The following TBC1D2B variants were observed in gnomAD, a reference collection of about 807,000 sequenced individuals.
TBC1D2B encodes TBC1 domain family, member 2B.
Under a neutral mutation model 100.8 loss-of-function variants are expected in TBC1D2B, and 64 were observed. The observed-to-expected ratio is 0.64, with a 90% confidence interval of 0.52 to 0.78. TBC1D2B has a LOEUF of 0.78. Ranked by LOEUF, TBC1D2B falls within the 30% of genes least tolerant of loss-of-function variation. TBC1D2B has a pLI of 0.00. For synonymous variants in TBC1D2B, 480 were observed against 479.7 expected (o/e 1.00, Z -0.01); for missense variants, 1,052 against 1,218.4 (o/e 0.86, Z 2.03).
intron 6 of TBC1D2B, among the ~76,000 whole-genome samples, chr15:78,018,309 A>C (rs750268397): frequency 4.9e-4 from 75 of 152,240 alleles, no homozygotes; most frequent in Non-Finnish European, 9.7e-4. Flanking sequence ...TGGTTAAAAA[A>C]AAGCAATACC....
chr15:78,068,389 A>C lies in TBC1D2B; in HGVS notation c.360+8904T>G, dbSNP rs527743070. Among the ~76,000 whole-genome samples the C allele has an allele frequency of 2.9e-4, 42 of 146,082 alleles. 1 individual carries two copies. Among genetic ancestry groups the C allele is most frequent in the Middle Eastern group, 3.5e-3 (1 of 286 alleles). On this transcript the variant is annotated intron_variant, in intron 1 of 12. Coordinates refer to ENST00000300584, the MANE Select transcript of TBC1D2B (RefSeq NM_144572.2). ...GAAAGCACACACACCACACCCACAC[A>C]CACACACACACACACACACACACAC...
chr15:78,050,152 C>G (rs1596324868), intron 2 of TBC1D2B, among the ~76,000 whole-genome samples: 1 of 152,144 alleles, frequency 6.6e-6, no homozygotes. Flanking sequence ...CATCCTGCAC[C>G]GAGAGCACTG....
chr15:78,058,687 G>A (rs1460785531), intron 1 of TBC1D2B, among the ~76,000 whole-genome samples: 4 of 152,290 alleles, frequency 2.6e-5, no homozygotes, highest in South Asian at 2.1e-4. Context: ...CACGCCCGCC[G>A]GAGGAGTGAG....
rs144294886 is a variant in TBC1D2B at position 77,998,152 on chromosome 15, G to A, written c.*8C>T. Reference sequence around the variant, plus strand: ...GTGAAGGAAGGAAGAGCAGCATCCCGAGCCCACTCAGGTATCCTCCTCCTC... The same window carrying A: ...GTGAAGGAAGGAAGAGCAGCATCCCAAGCCCACTCAGGTATCCTCCTCCTC... On this transcript the variant is annotated 3_prime_UTR_variant, in exon 13 of 13. Coordinates refer to ENST00000300584, the MANE Select transcript of TBC1D2B (RefSeq NM_144572.2). The A allele has an allele frequency of 1.5e-3, 2,254 of 1,504,580 alleles. 5 individuals carry two copies. Among genetic ancestry groups the A allele is most frequent in the Admixed American group, 2.4e-3 (107 of 44,162 alleles). 93.2% of individuals were successfully genotyped at this position (1,504,580 alleles called of 1,614,324 possible).
Position 78,012,990 on chromosome 15 carries a change from C to T in TBC1D2B, c.2103G>A (p.Glu701=). 1.9e-6 allele frequency: 3 copies of T among 1,600,160 alleles called. No individual in the cohort carries two copies. Among genetic ancestry groups the T allele is most frequent in the Non-Finnish European group, 2.6e-6 (3 of 1,169,794 alleles). Residue 701 remains glutamate, a synonymous_variant, in exon 9 of 13, where the codon GAG becomes GAA. Transcript: ENST00000300584. The part of the protein sequence containing the change: ...HFQTLLQKAL[E]KQNPASKQIE... The stretch of plus-strand genomic sequence containing the variant: ...TCTGCTTGGAGGCTGGGTTCTGTTT[C>T]TCCAGCGCCTTCTGCAGCAAGGTCT...
At chr15:78,018,455 A>G (rs1197418119) in intron 6 of TBC1D2B, among the ~76,000 whole-genome samples, 1 of 152,252 alleles carries the variant, frequency 6.6e-6, no homozygotes, top group Admixed American at 6.5e-5. Context: ...AAATCCTATG[A>G]CCTAAAACGT....
At position 78,010,764 on chromosome 15, in the gene TBC1D2B, T is replaced by A. The variant is rs756179332; in HGVS notation, c.2271-1650A>T. On this transcript the variant is annotated intron_variant, in intron 9 of 12. Coordinates refer to ENST00000300584, the MANE Select transcript of TBC1D2B (RefSeq NM_144572.2). ...CATCATCTAGACAAGGCTACAGTTG[T>A]CCTTCTAAAGTTCTGGGTGCTCAGA... Among the ~76,000 whole-genome samples the A allele has an allele frequency of 2.0e-4, 31 of 152,176 alleles. 1 individual carries two copies. The highest frequency in any genetic ancestry group is 3.5e-4 in the Non-Finnish European group (24 of 68,036).
chr15:78,046,244 T>G (rs1240569581), intron 2 of TBC1D2B, among the ~76,000 whole-genome samples: 2 of 152,240 alleles, frequency 1.3e-5, no homozygotes, highest in Non-Finnish European at 2.9e-5. Flanking sequence ...TAAAAACATT[T>G]CTAACTACAA....
chr15:78,015,961 G>A (rs1390532300), intron 8 of TBC1D2B, among the ~76,000 whole-genome samples: 2 of 152,178 alleles, frequency 1.3e-5, no homozygotes, highest in Admixed American at 6.5e-5. Context: ...GAAGCAAGGA[G>A]ACTGCAGTAA....
intron 1 of TBC1D2B, among the ~76,000 whole-genome samples, chr15:78,072,849 C>T (rs1335967850): frequency 2.6e-5 from 4 of 152,152 alleles, no homozygotes; most frequent in African/African-American, 4.8e-5. Flanking sequence ...CAGAGAGAGA[C>T]GCACACAGGA....
chr15:78,050,487 A>C (rs2073291316), intron 2 of TBC1D2B, among the ~76,000 whole-genome samples: 1 of 152,196 alleles, frequency 6.6e-6, no homozygotes. Flanking sequence ...AAGTAAACGG[A>C]ATGTGCTAGA....
At chr15:78,069,034 G>T (rs2073705202) in intron 1 of TBC1D2B, among the ~76,000 whole-genome samples, 1 of 152,126 alleles carries the variant, frequency 6.6e-6, no homozygotes, top group Non-Finnish European at 1.5e-5. Flanking sequence ...GAGGAAGGGG[G>T]TGTTACTGTT....
chr15:78,020,642 G>A (rs1262341476), intron 6 of TBC1D2B, among the ~76,000 whole-genome samples: 2 of 152,302 alleles, frequency 1.3e-5, no homozygotes, highest in Middle Eastern at 3.4e-3. Context: ...TCCAACCTGG[G>A]CTGGCTCCAG....
chr15:78,042,091 A>G (rs2073103565), intron 3 of TBC1D2B, among the ~76,000 whole-genome samples: 1 of 152,208 alleles, frequency 6.6e-6, no homozygotes, highest in African/African-American at 2.4e-5. Context: ...CTGATAGAAG[A>G]TAACTCCTAC....
rs537747137 is a variant in TBC1D2B at position 78,031,450 on chromosome 15, A to T, written c.684-1280T>A. The stretch of plus-strand genomic sequence containing the variant: ...ACACCTGTAGTCCCAGCTACTCGGG[A>T]GGCTGAGGCACAAGAATCACTTGAA... On this transcript the variant is annotated intron_variant, in intron 3 of 12. Transcript: ENST00000300584. Among the ~76,000 whole-genome samples, 11 of 149,136 alleles carry T rather than the reference A, an allele frequency of 7.4e-5. 1 individual carries two copies. In the South Asian group the frequency reaches 2.2e-3, roughly 29 times the overall value.
At chr15:78,031,318 C>T (rs1170291594) in intron 3 of TBC1D2B, among the ~76,000 whole-genome samples, 1 of 152,034 alleles carries the variant, frequency 6.6e-6, no homozygotes, top group Admixed American at 6.5e-5. Flanking sequence ...CTTTGGGAGA[C>T]TGAGGTGGGC....
rs191551459 is a variant in TBC1D2B at position 78,063,837 on chromosome 15, C to A, written c.361-9650G>T. Reference sequence around the variant, plus strand: ...TCAGATTCATGCATCCTGACAGTCTCAGAGTCATCTACCCCTGGGCCTCTG... The same window carrying A: ...TCAGATTCATGCATCCTGACAGTCTAAGAGTCATCTACCCCTGGGCCTCTG... On this transcript the variant is annotated intron_variant, in intron 1 of 12. Transcript: ENST00000300584. Among the ~76,000 whole-genome samples the A allele has an allele frequency of 2.0e-5, 3 of 152,240 alleles. No individual in the cohort carries two copies. The East Asian group carries it at 5.8e-4, about 29-fold the overall frequency.
chr15:78,044,828 T>C, intron 3 of TBC1D2B, 72 bp downstream of exon 3: 1 of 1,333,120 alleles, frequency 7.5e-7, no homozygotes, highest in Non-Finnish European at 1.0e-6. Context: ...ATAACTTCAT[T>C]TATAAAATTA....
chr15:78,002,586 T>TC (rs1399326061), intron 11 of TBC1D2B: 1 of 152,122 alleles, frequency 6.6e-6, no homozygotes, highest in Non-Finnish European at 1.5e-5. Flanking sequence ...CAAACTGCTT[T>TC]CCCCATATCT....
Sources: allele counts gnomAD v4.1 joint callset (sites outside exome capture counted in the v4.1 genomes callset), GRCh38; gene constraint gnomAD v4.1.1; transcripts MANE v1.5; gene names NCBI Gene and HGNC (gene_info 2026-07-23, HGNC 2026-07-21).